The following SAMMSON variants were observed in gnomAD, a reference collection of about 807,000 sequenced individuals.
The protein encoded by SAMMSON is survival associated mitochondrial melanoma specific oncogenic non-coding RNA.
At chr3:70,226,177 C>T (rs776985845) in intron 4 of SAMMSON, among the ~76,000 whole-genome samples, 4 of 152,240 alleles carry the variant, frequency 2.6e-5, no homozygotes, top group African/African-American at 9.6e-5. Context: ...TTCACTCATT[C>T]GATAAACATT....
At chr3:70,247,716 G>T (rs1027626124) in intron 4 of SAMMSON, among the ~76,000 whole-genome samples, 1 of 151,562 alleles carries the variant, frequency 6.6e-6, no homozygotes. Context: ...CATGCTATGA[G>T]CATTTGCCAA....
At chr3:70,403,508 A>G (rs1701156725) in intron 2 of SAMMSON, among the ~76,000 whole-genome samples, 1 of 152,176 alleles carries the variant, frequency 6.6e-6, no homozygotes, top group Non-Finnish European at 1.5e-5. Context: ...TAGATCGCAG[A>G]TTGGCAAACT....
intron 6 of SAMMSON, among the ~76,000 whole-genome samples, chr3:70,261,514 T>C (rs1450745148): frequency 6.6e-6 from 1 of 152,160 alleles, no homozygotes; most frequent in Non-Finnish European, 1.5e-5. Flanking sequence ...AATAATTACA[T>C]TTCAATTTCC....
chr3:70,213,700 A>C (rs1297042805), intron 4 of SAMMSON, among the ~76,000 whole-genome samples: 1 of 152,102 alleles, frequency 6.6e-6, no homozygotes, highest in Non-Finnish European at 1.5e-5. Flanking sequence ...GTTAGAGGTG[A>C]TTTTTGTTGT....
At chr3:70,075,737 A>T (rs2067246244) in intron 4 of SAMMSON, among the ~76,000 whole-genome samples, 1 of 152,164 alleles carries the variant, frequency 6.6e-6, no homozygotes. Context: ...AAGCAAGGAA[A>T]AGGATTTCAG....
At chr3:70,050,518 G>C (rs2067142094) in intron 3 of SAMMSON, among the ~76,000 whole-genome samples, 1 of 152,146 alleles carries the variant, frequency 6.6e-6, no homozygotes, top group African/African-American at 2.4e-5. Flanking sequence ...CCTGTATGTG[G>C]TGCTTGGGAC....
At chr3:70,262,498 G>A (rs1437760640) in intron 6 of SAMMSON, among the ~76,000 whole-genome samples, 1 of 152,172 alleles carries the variant, frequency 6.6e-6, no homozygotes, top group East Asian at 1.9e-4. Flanking sequence ...TTATTATGGG[G>A]ATGGCTTGGG....
intron 4 of SAMMSON, among the ~76,000 whole-genome samples, chr3:70,180,227 A>G (rs1457586745): frequency 6.6e-6 from 1 of 152,118 alleles, no homozygotes; most frequent in African/African-American, 2.4e-5. Context: ...CATAGATAAA[A>G]TGAGTATAGT....
intron 4 of SAMMSON, among the ~76,000 whole-genome samples, chr3:70,143,858 T>C (rs1332253260): frequency 1.3e-5 from 2 of 152,196 alleles, no homozygotes; most frequent in Non-Finnish European, 2.9e-5. Flanking sequence ...GCAACTGTTT[T>C]CTGCTGTCCT....
At chr3:70,249,676 A>C (rs1300897209) in intron 6 of SAMMSON, 1 of 152,148 alleles carries the variant, frequency 6.6e-6, no homozygotes, top group Non-Finnish European at 1.5e-5. Context: ...GCACAGTGAG[A>C]GTCATCCTTC....
intron 6 of SAMMSON, among the ~76,000 whole-genome samples, chr3:70,275,497 G>A (rs1702015407): frequency 6.6e-6 from 1 of 152,068 alleles, no homozygotes; most frequent in Non-Finnish European, 1.5e-5. Flanking sequence ...AGCCTAGGTG[G>A]CAAAGCAAGA....
chr3:70,396,278 TACAC>T (rs1701092927), intron 2 of SAMMSON, among the ~76,000 whole-genome samples: 1 of 152,238 alleles, frequency 6.6e-6, no homozygotes, highest in Non-Finnish European at 1.5e-5. Context: ...ACTATTAACA[TACAC>T]AATAAAGGGC....
chr3:70,240,515 T>G (rs1575604524), intron 4 of SAMMSON, among the ~76,000 whole-genome samples: 1 of 152,280 alleles, frequency 6.6e-6, no homozygotes, highest in East Asian at 1.9e-4. Context: ...CTAGCCCTTC[T>G]TACTGTGAAA....
chr3:70,170,962 C>G (rs1474864277), intron 4 of SAMMSON, among the ~76,000 whole-genome samples: 1 of 151,720 alleles, frequency 6.6e-6, no homozygotes, highest in African/African-American at 2.4e-5. Context: ...GTAATAACTG[C>G]GTGATTAGAC....
At chr3:70,126,742 A>C in intron 4 of SAMMSON, 2 of 247,918 alleles carry the variant, frequency 8.1e-6, no homozygotes, top group Non-Finnish European at 1.6e-5. Context: ...TTGAGATGGA[A>C]TCTTGCTCTG....
At chr3:70,387,064 C>T (rs968646050) in intron 9 of SAMMSON, among the ~76,000 whole-genome samples, 3 of 151,842 alleles carry the variant, frequency 2.0e-5, no homozygotes, top group Non-Finnish European at 4.4e-5. Flanking sequence ...TTTCTGGAAA[C>T]AAGTAGGGGG....
chr3:70,021,995 C>T (rs1438335727), intron 3 of SAMMSON, among the ~76,000 whole-genome samples: 2 of 152,074 alleles, frequency 1.3e-5, no homozygotes, highest in East Asian at 1.9e-4. Context: ...CCTGTTTAGG[C>T]ACCAGAATGG....
intron 4 of SAMMSON, among the ~76,000 whole-genome samples, chr3:70,165,271 T>C (rs2067632288): frequency 6.6e-6 from 1 of 151,972 alleles, no homozygotes; most frequent in South Asian, 2.1e-4. Context: ...GCTAATATAG[T>C]GTTGTGGTCT....
At chr3:70,046,872 C>T (rs1388174762) in intron 3 of SAMMSON, among the ~76,000 whole-genome samples, 1 of 152,064 alleles carries the variant, frequency 6.6e-6, no homozygotes, top group Non-Finnish European at 1.5e-5. Context: ...CTGTTCATCC[C>T]TCTGGCTCCC....
Sources: allele counts gnomAD v4.1 joint callset (sites outside exome capture counted in the v4.1 genomes callset), GRCh38; gene constraint gnomAD v4.1.1; transcripts MANE v1.5; gene names NCBI Gene and HGNC (gene_info 2026-07-23, HGNC 2026-07-21).